CSMD1: variants seen among roughly 807,000 people sequenced by gnomAD.
CSMD1 encodes the protein CUB and Sushi multiple domains 1.
Under a neutral mutation model 417.5 loss-of-function variants are expected in CSMD1, and 213 were observed. The ratio of observed to expected loss-of-function variants is 0.51; its 90% CI spans 0.46 to 0.57. The LOEUF (loss-of-function observed/expected upper bound fraction) is 0.57. Among genes scored for constraint, CSMD1 ranks in the 20% least tolerant of loss-of-function variants. CSMD1 has a pLI of 0.00. For missense variants in CSMD1, 6,923 were observed against 4,529.7 expected (o/e 1.53, Z -15.17); for synonymous variants, 2,862 against 1,736.8 (o/e 1.65, Z -16.11).
intron 3 of CSMD1, among the ~76,000 whole-genome samples, chr8:4,378,535 C>T (rs1004758013): frequency 8.5e-5 from 13 of 152,148 alleles, no homozygotes; most frequent in African/African-American, 1.9e-4. Flanking sequence ...CTGAAGTCAC[C>T]GTGTGACCAT....
chr8:4,272,205 G>A (rs540382770), intron 3 of CSMD1, among the ~76,000 whole-genome samples: 2 of 152,212 alleles, frequency 1.3e-5, no homozygotes, highest in Non-Finnish European at 2.9e-5. Flanking sequence ...AATAGGTATA[G>A]TACTTTATGG....
At chr8:4,904,012 CTTTTA>C (rs1251630215) in intron 1 of CSMD1, among the ~76,000 whole-genome samples, 1 of 152,004 alleles carries the variant, frequency 6.6e-6, no homozygotes, top group Non-Finnish European at 1.5e-5. Flanking sequence ...GTATTTATTT[CTTTTA>C]TTTTAATACT....
At chr8:3,538,167 A>T (rs35082955) in intron 10 of CSMD1, among the ~76,000 whole-genome samples, 45,834 of 152,072 alleles carry the variant, frequency 0.3, 8,294 homozygotes, top group East Asian at 0.43. Context: ...TTGAAAAATT[A>T]CATGACGGAT....
intron 6 of CSMD1, among the ~76,000 whole-genome samples, chr8:3,711,294 G>A (rs1429091922): frequency 6.6e-6 from 1 of 152,146 alleles, no homozygotes; most frequent in Non-Finnish European, 1.5e-5. Context: ...AGACCACAGG[G>A]ATCCTGGCAT....
chr8:4,463,908 T>C (rs1052686288), intron 2 of CSMD1, among the ~76,000 whole-genome samples: 3 of 152,160 alleles, frequency 2.0e-5, no homozygotes, highest in African/African-American at 7.2e-5. Flanking sequence ...CATTTCAATA[T>C]AGCTCTGATT....
chr8:3,436,490 G>A (rs1411852569), intron 12 of CSMD1, among the ~76,000 whole-genome samples: 1 of 152,122 alleles, frequency 6.6e-6, no homozygotes, highest in South Asian at 2.1e-4. Context: ...CAGTGAATAT[G>A]CATAAAATTA....
intron 3 of CSMD1, among the ~76,000 whole-genome samples, chr8:4,115,868 A>C (rs1160534843): frequency 6.6e-6 from 1 of 152,148 alleles, no homozygotes; most frequent in Admixed American, 6.5e-5. Context: ...CAATCATATG[A>C]CATTCTGGGA....
intron 10 of CSMD1, among the ~76,000 whole-genome samples, chr8:3,552,325 TTC>T (rs1447459743): frequency 2.6e-5 from 4 of 151,726 alleles, no homozygotes; most frequent in African/African-American, 9.8e-5. Flanking sequence ...GGTCAGCTTA[TTC>T]TCTTTTTTTT....
chr8:3,121,740 A>C (rs777953236), intron 41 of CSMD1, among the ~76,000 whole-genome samples: 1 of 152,174 alleles, frequency 6.6e-6, no homozygotes, highest in Non-Finnish European at 1.5e-5. Context: ...CGAATGCTGC[A>C]GTGAGCTATG....
At chr8:3,368,553 G>C (rs1809750640) in intron 19 of CSMD1, among the ~76,000 whole-genome samples, 1 of 152,094 alleles carries the variant, frequency 6.6e-6, no homozygotes, top group African/African-American at 2.4e-5. Flanking sequence ...TGGCTAGTCT[G>C]GTCTGGAACT....
intron 3 of CSMD1, among the ~76,000 whole-genome samples, chr8:4,299,787 C>T (rs558317514): frequency 6.0e-4 from 91 of 152,094 alleles, no homozygotes; most frequent in African/African-American, 1.7e-3. Context: ...CGTGCCACCA[C>T]GCCCGCCTAA....
rs1248776557 is a variant in CSMD1, at chr8:3,307,683, T to C, written c.3950+12A>G. 1.9e-6 allele frequency: 3 copies of C among 1,611,412 alleles called. No individual in the cohort carries two copies. The highest frequency in any genetic ancestry group is 1.7e-5 in the Admixed American group (1 of 59,580). ...TTTTCTCAAATCACTGAAACCAAAA[T>C]AAAACAAGTACCTAATGGTCTTTCC... On this transcript the variant is annotated intron_variant, in intron 25 of 69. Transcript: ENST00000635120.
At chr8:3,459,953 A>G (rs1287041287) in intron 12 of CSMD1, among the ~76,000 whole-genome samples, 1 of 152,240 alleles carries the variant, frequency 6.6e-6, no homozygotes, top group East Asian at 1.9e-4. Flanking sequence ...TAAACAGTCC[A>G]GAAACTGGCT....
intron 7 of CSMD1, among the ~76,000 whole-genome samples, chr8:3,670,263 G>A (rs1352693925): frequency 1.3e-5 from 2 of 151,910 alleles, no homozygotes; most frequent in African/African-American, 2.4e-5. Flanking sequence ...AGGTCAGACT[G>A]GCCTAGCCTC....
chr8:4,795,490 T>A (rs983961092), intron 1 of CSMD1, among the ~76,000 whole-genome samples: 3 of 151,730 alleles, frequency 2.0e-5, no homozygotes, highest in African/African-American at 7.3e-5. Flanking sequence ...CAGGATGGTC[T>A]CGATATCCTG....
rs556304192 is a variant in CSMD1 at position 3,155,359 on chromosome 8, A to ATTTTTTTTT, written c.5914+2529_5914+2537dup. ...TTTTTCCTTCCAAATCAAGGCTGGG[A>ATTTTTTTTT]TTTTTTTTTTTTTTTTTTTTTTTTT... On this transcript the variant is annotated intron_variant, in intron 39 of 69. Coordinates refer to ENST00000635120, the MANE Select transcript of CSMD1 (RefSeq NM_033225.6). 7.0e-3 allele frequency among the ~76,000 whole-genome samples: 303 copies of ATTTTTTTTT among 43,276 alleles called. 72 individuals carry two copies. Among genetic ancestry groups the ATTTTTTTTT allele is most frequent in the African/African-American group, 9.4e-3 (135 of 14,340 alleles). 28.4% of individuals were successfully genotyped at this position (43,276 alleles called of 152,430 possible).
At chr8:4,805,201 G>C (rs887582143) in intron 1 of CSMD1, among the ~76,000 whole-genome samples, 3 of 152,094 alleles carry the variant, frequency 2.0e-5, no homozygotes, top group Admixed American at 2.0e-4. Context: ...TAATATCTGC[G>C]ATAATCATAG....
chr8:4,212,403 T>C (rs953791155), intron 3 of CSMD1, among the ~76,000 whole-genome samples: 2 of 152,166 alleles, frequency 1.3e-5, no homozygotes, highest in Admixed American at 1.3e-4. Context: ...AGCCATACTT[T>C]TCATGTTTTG....
At chr8:3,799,798 T>C (rs1032498915) in intron 5 of CSMD1, among the ~76,000 whole-genome samples, 3 of 152,154 alleles carry the variant, frequency 2.0e-5, no homozygotes, top group Admixed American at 6.6e-5. Context: ...TGAAATTCTA[T>C]AGTGAATATT....
Sources: gnomAD v4.1 joint callset for allele counts (sites outside exome capture counted in the v4.1 genomes callset) on GRCh38, gnomAD v4.1.1 for gene constraint, MANE v1.5 for transcripts, NCBI Gene and HGNC (gene_info 2026-07-23, HGNC 2026-07-21) for gene names.